PTPRT: variants seen among roughly 807,000 people sequenced by gnomAD.
PTPRT encodes the protein protein tyrosine phosphatase receptor type T, also known as receptor-type tyrosine-protein phosphatase T.
PTPRT carries 56 observed loss-of-function variants against 176.8 expected under a neutral mutation model. The observed-to-expected ratio is 0.32, with a 90% CI of 0.26 to 0.40. The LOEUF (loss-of-function observed/expected upper bound fraction) is 0.40, where lower values mean the gene tolerates loss of function less well. PTPRT is among the 10% of genes least tolerant of loss of function. The probability of loss-of-function intolerance (pLI) is 1.00; values close to 1 mark genes in which losing one functional copy is unlikely to be tolerated. For synonymous variants in PTPRT, 783 were observed against 739.0 expected, an observed-to-expected ratio of 1.06 and a Z score of -0.96; for missense variants, 1,540 against 1,908.2, an observed-to-expected ratio of 0.81 and a Z score of 3.60.
chr20:42,427,506 T>C (rs2059175807), intron 9 of PTPRT, among the ~76,000 whole-genome samples: 1 of 141,290 alleles, frequency 7.1e-6, no homozygotes, highest in Non-Finnish European at 1.5e-5. Context: ...TCTTCATCGA[T>C]GGCGCCTTCT....
At chr20:42,822,750 C>G (rs1050381233) in intron 2 of PTPRT, among the ~76,000 whole-genome samples, 17 of 152,158 alleles carry the variant, frequency 1.1e-4, no homozygotes, top group African/African-American at 4.1e-4. Context: ...TGAACAGACA[C>G]TTCTCAAACG....
intron 1 of PTPRT, among the ~76,000 whole-genome samples, chr20:43,120,280 T>TG (rs942048518): frequency 6.6e-6 from 1 of 151,414 alleles, no homozygotes; most frequent in South Asian, 2.1e-4. Context: ...AGATCCAGTT[T>TG]TTTTTTTTTT....
In PTPRT at chr20:42,780,585, A is replaced by T. The variant is rs528836782; in HGVS notation, c.487-286T>A. On this transcript the variant is annotated intron_variant, in intron 3 of 30. Coordinates refer to ENST00000373187, the MANE Select transcript of PTPRT (RefSeq NM_007050.6). ...CAAACACCGAGGTCTCGGAAACCCC[A>T]GTCTGCATCTTTCTCATTGCAGCTT... Among the ~76,000 whole-genome samples the T allele has an allele frequency of 7.9e-5, 12 of 152,338 alleles. No individual in the cohort carries two copies. The East Asian group carries it at 1.3e-3, about 17-fold the overall frequency.
At chr20:42,056,191 T>A in the PTPRT span, among the ~76,000 whole-genome samples, 2 of 152,198 alleles carry the variant, frequency 1.3e-5, no homozygotes, top group African/African-American at 4.8e-5. Context: ...TCTTTTCAGA[T>A]ATTTAGCAGT....
chr20:42,072,623 T>C (rs968779106), downstream of PTPRT: 7 of 177,338 alleles, frequency 3.9e-5, no homozygotes, highest in African/African-American at 1.7e-4. Context: ...AAAGAGGGAA[T>C]AATATGTATT....
chr20:42,414,745 C>G (rs190084867), intron 9 of PTPRT, among the ~76,000 whole-genome samples: 2 of 152,188 alleles, frequency 1.3e-5, no homozygotes, highest in East Asian at 3.9e-4. Context: ...AAATTCTACT[C>G]AGAAATATGA....
chr20:42,844,737 C>G (rs2078339032), intron 2 of PTPRT, among the ~76,000 whole-genome samples: 1 of 152,166 alleles, frequency 6.6e-6, no homozygotes, highest in African/African-American at 2.4e-5. Context: ...TTCAACATAT[C>G]TAGAATCAGC....
chr20:42,160,882 A>G (rs927114192), intron 17 of PTPRT, among the ~76,000 whole-genome samples: 33 of 152,084 alleles, frequency 2.2e-4, no homozygotes, highest in African/African-American at 6.0e-4. Flanking sequence ...GGACCAGAAT[A>G]CCACAGAAGC....
chr20:42,919,426 A>G (rs1000788832), intron 1 of PTPRT, among the ~76,000 whole-genome samples: 2 of 152,222 alleles, frequency 1.3e-5, no homozygotes, highest in African/African-American at 4.8e-5. Flanking sequence ...CCCAGCCTCA[A>G]AGACATGAGA....
intron 2 of PTPRT, among the ~76,000 whole-genome samples, chr20:42,810,462 C>T (rs2077683404): frequency 6.6e-6 from 1 of 152,140 alleles, no homozygotes; most frequent in South Asian, 2.1e-4. Context: ...CAGCTCTCAC[C>T]CCACGGCTAT....
At chr20:42,616,528 C>A (rs1265330574) in intron 7 of PTPRT, among the ~76,000 whole-genome samples, 1 of 127,728 alleles carries the variant, frequency 7.8e-6, no homozygotes, top group Admixed American at 7.4e-5. Flanking sequence ...TTACCTTGGG[C>A]AGTATGGCCA....
chr20:43,083,349 T>TATATATATATAC (rs1568774173), intron 1 of PTPRT, among the ~76,000 whole-genome samples: 49 of 117,346 alleles, frequency 4.2e-4, no homozygotes, highest in South Asian at 1.7e-3. Context: ...TATATATATA[T>TATATATATATAC]ATATATATAT....
At chr20:42,674,696 T>C (rs2075470346) in intron 7 of PTPRT, among the ~76,000 whole-genome samples, 1 of 152,070 alleles carries the variant, frequency 6.6e-6, no homozygotes, top group African/African-American at 2.4e-5. Flanking sequence ...CATAATCAGG[T>C]TTCAATGAGG....
intron 7 of PTPRT, among the ~76,000 whole-genome samples, chr20:42,557,988 T>C (rs1335773871): frequency 6.6e-6 from 1 of 152,226 alleles, no homozygotes; most frequent in Non-Finnish European, 1.5e-5. Context: ...TTGGTGTTTG[T>C]TTTAAACTTT....
At chr20:42,146,382 T>G (rs570506993) in intron 17 of PTPRT, among the ~76,000 whole-genome samples, 10 of 152,340 alleles carry the variant, frequency 6.6e-5, no homozygotes, top group African/African-American at 2.4e-4. Flanking sequence ...GTTTTCATAC[T>G]AATTTTTTGA....
At chr20:42,372,761 A>G (rs554663127) in intron 9 of PTPRT, among the ~76,000 whole-genome samples, 23 of 152,330 alleles carry the variant, frequency 1.5e-4, no homozygotes, top group Non-Finnish European at 3.1e-4. Context: ...CTTATAAAAG[A>G]GACCCCAGAG....
intron 17 of PTPRT, among the ~76,000 whole-genome samples, chr20:42,159,834 CA>C (rs1203157426): frequency 6.6e-6 from 1 of 152,096 alleles, no homozygotes; most frequent in African/African-American, 2.4e-5. Flanking sequence ...CCTGAGAGAT[CA>C]CCTTATCCAA....
At chr20:42,532,229 G>A (rs1455385270) in intron 7 of PTPRT, among the ~76,000 whole-genome samples, 1 of 152,098 alleles carries the variant, frequency 6.6e-6, no homozygotes, top group Non-Finnish European at 1.5e-5. Context: ...TAGGTTCTTT[G>A]AGCCTCAGCT....
chr20:42,921,033 C>T (rs554158810), intron 1 of PTPRT, among the ~76,000 whole-genome samples: 4 of 152,144 alleles, frequency 2.6e-5, no homozygotes, highest in East Asian at 1.9e-4. Context: ...AGAGACAGCA[C>T]GGCAAAATGC....
Sources: allele counts gnomAD v4.1 joint callset (sites outside exome capture counted in the v4.1 genomes callset), GRCh38; gene constraint gnomAD v4.1.1; transcripts MANE v1.5; gene names NCBI Gene and HGNC (gene_info 2026-07-23, HGNC 2026-07-21).